Variants in POM121L2 observed in about 807,000 individuals in gnomAD.
The protein encoded by POM121L2 is POM121-like protein 2.
For synonymous variants in POM121L2, 459 were observed against 483.8 expected, an observed-to-expected ratio of 0.95 and a Z score of 0.67; for missense variants, 1,167 against 1,260.3, an observed-to-expected ratio of 0.93 and a Z score of 1.12.
Position 27,312,082 on chromosome 6 carries a change from C to A in POM121L2, c.89G>T (p.Arg30Leu), listed in dbSNP as rs1285988782. 1 of 1,488,402 alleles carries A rather than the reference C, an allele frequency of 6.7e-7. No homozygotes were observed. Among genetic ancestry groups the A allele is most frequent in the South Asian group, 1.4e-5 (1 of 72,990 alleles). 92.2% of individuals were successfully genotyped at this position (1,488,402 alleles called of 1,614,324 possible). A position where few individuals can be genotyped will look rare whatever the true frequency, so the allele number is the denominator to read the frequency against. ...TDLPERPTKR[R>L]PPQPLHQVHR... ...AACTTGGTGAAGGGGCTGAGGTGGC[C>A]GGCGTTTCGTGGGCCTCTCGGGCAA... Residue 30 changes from arginine (R) to leucine (L), a missense_variant, in exon 1 of 1, where the codon CGG becomes CTG. By Grantham distance (102) the Arg-to-Leu change is moderately radical. Transcript: ENST00000444565. The surrounding 1 kb of genome is among the most constrained non-coding windows in gnomAD (Gnocchi z 6.7).
Position 27,312,149 on chromosome 6 carries a change from G to A in POM121L2, c.22C>T (p.Leu8=). The change falls in exon 1 of 1, where the codon CTG becomes TTG. Residue 8 remains leucine, a synonymous_variant. Transcript: ENST00000444565. The surrounding 1 kb of genome is among the most constrained non-coding windows in gnomAD (Gnocchi z 6.7). MGSFLSK[L]ELSPSSPAQV... ...GCTGGGGACGAGGGCGAAAGTTCCAGTTTGCTCAGGAAACTGCCCATGAGG... is the reference window on the plus strand; with the variant it reads ...GCTGGGGACGAGGGCGAAAGTTCCAATTTGCTCAGGAAACTGCCCATGAGG... 2.1e-6 allele frequency: 3 copies of A among 1,452,062 alleles called. No homozygotes were observed. The highest frequency in any genetic ancestry group is 1.8e-4 in the Middle Eastern group (1 of 5,524). The allele number at this position is 1,452,062 out of a possible 1,614,324, so 89.9% of individuals were successfully genotyped here.
chr6:27,309,777 A>T lies in POM121L2; in HGVS notation c.2394T>A (p.Ser798=), dbSNP rs1349264783. The change falls in exon 1 of 1, where the codon TCT becomes TCA. Residue 798 remains serine (S), a synonymous_variant. Coordinates refer to ENST00000444565, the MANE Select transcript of POM121L2 (RefSeq NM_033482.4). ...CCACTGCTGAGCTCCCAAAAAGAAAAGAACTACTGACACTTGGCATAAGGG... is the reference window on the plus strand; with the variant it reads ...CCACTGCTGAGCTCCCAAAAAGAAATGAACTACTGACACTTGGCATAAGGG... ...QPALMPSVSS[S]FLFGSSAVAL... 1 of 1,551,732 alleles carries T rather than the reference A, an allele frequency of 6.4e-7. No homozygotes were observed. Among genetic ancestry groups the T allele is most frequent in the South Asian group, 1.2e-5 (1 of 84,064 alleles).
At position 27,312,019 on chromosome 6, in the gene POM121L2, G is replaced by C. The variant is rs1048245309; in HGVS notation, c.152C>G (p.Pro51Arg). Residue 51 changes from proline to arginine, a missense_variant, in exon 1 of 1, where the codon CCA becomes CGA. Physicochemically the swap from Pro to Arg is moderately radical, Grantham distance 103 (BLOSUM62 -2). Coordinates refer to ENST00000444565, the MANE Select transcript of POM121L2 (RefSeq NM_033482.4). The surrounding 1 kb of genome is among the most constrained non-coding windows in gnomAD (Gnocchi z 6.7). ...CCGCCTCCTCACAGGTCTATACCGT[G>C]GGGCAGGGTGGGCGCGGTGGACGAA... ...VQFVHRAHPA[P>R]RYRPVRRRPN... 1.3e-6 allele frequency: 2 copies of C among 1,536,978 alleles called. No homozygotes were observed. Among genetic ancestry groups the C allele is most frequent in the African/African-American group, 1.4e-5 (1 of 72,696 alleles).
At position 27,312,247 on chromosome 6, in the gene POM121L2, C is replaced by T. The variant is rs1424491212; in HGVS notation, c.-77G>A. ...GGTTTCGGACGTCTGCAGAATCGGA[C>T]AGAGTCGAAGAGCGCAGTGTTCGGT... is the stretch of plus-strand genomic sequence containing the variant. On this transcript the variant is annotated 5_prime_UTR_variant, in exon 1 of 1. Coordinates refer to ENST00000444565, the MANE Select transcript of POM121L2 (RefSeq NM_033482.4). This position sits in a 1 kb window ranked among gnomAD's most constrained non-coding sequence, Gnocchi z 6.7. The T allele has an allele frequency of 1.3e-5, 12 of 929,772 alleles. No homozygotes were observed. In the Admixed American group the frequency reaches 3.6e-4, roughly 28 times the overall value. 57.6% of individuals were successfully genotyped at this position (929,772 alleles called of 1,614,324 possible).
In POM121L2 at chr6:27,309,553, T is replaced by C. The variant is rs1277940944; in HGVS notation, c.2618A>G (p.Gln873Arg). The C allele has an allele frequency of 6.4e-7, 1 of 1,551,962 alleles. No individual in the cohort carries two copies. The highest frequency in any genetic ancestry group is 8.7e-7 in the Non-Finnish European group (1 of 1,147,090). Residue 873 changes from glutamine (Q) to arginine (R), a missense_variant, in exon 1 of 1, where the codon CAA becomes CGA. Transcript: ENST00000444565. ...AAACACTGAGCCAAAAGCCCCACTT[T>C]GGTGGGTCTGAATTACAATTCTAAA... ...TGFRIVIQTH[Q>R]SGAFGSVFGS...
rs779631930 is a variant in POM121L2 at position 27,309,752 on chromosome 6, C to A, written c.2419G>T (p.Ala807Ser). ...SSFLFGSSAV[A>S]LPTPMPTPAQ... ...GGAGTTGGCATGGGGGTTGGCAATG[C>A]CACTGCTGAGCTCCCAAAAAGAAAA... The change falls in exon 1 of 1, where the codon GCA (alanine) becomes TCA (serine). Residue 807 changes from alanine to serine, a missense_variant. Ala to Ser is a moderately conservative substitution (Grantham distance 99, BLOSUM62 1). Transcript: ENST00000444565. 2 of 1,551,660 alleles carry A rather than the reference C, an allele frequency of 1.3e-6. No individual in the cohort carries two copies. Among genetic ancestry groups the A allele is most frequent in the East Asian group, 2.4e-5 (1 of 40,906 alleles).
At position 27,309,230 on chromosome 6, in the gene POM121L2, C is replaced by A; in HGVS notation, c.2941G>T (p.Ala981Ser). The A allele has an allele frequency of 6.4e-7, 1 of 1,551,862 alleles. No homozygotes were observed. The highest frequency in any genetic ancestry group is 8.7e-7 in the Non-Finnish European group (1 of 1,147,044). ...ATCCCAAAGCCAACACTGCTGCCTGCCTTAGCTTGTCCAGGGACTGGGGTG... is the reference window on the plus strand; with the variant it reads ...ATCCCAAAGCCAACACTGCTGCCTGACTTAGCTTGTCCAGGGACTGGGGTG... ...QNTPVPGQAK[A>S]GSSVGFGMPF... is the part of the protein sequence containing the mutation. The change falls in exon 1 of 1, where the codon GCA becomes TCA. Residue 981 changes from alanine (A) to serine (S), a missense_variant. Ala to Ser is a moderately conservative substitution (Grantham distance 99). Transcript: ENST00000444565.
At chr6:27,310,249 A>T in intron 1 of POM121L2, 1 of 1,552,402 alleles carries the variant, frequency 6.4e-7, no homozygotes, top group Non-Finnish European at 8.7e-7. Flanking sequence ...ACCAAAATCC[A>T]AAGGTGGCTT....
In POM121L2 at chr6:27,309,117, G is replaced by A; in HGVS notation, c.3054C>T (p.Thr1018=). ...AATGCCCTTTCTCCCGATTCTTTGG[G>A]GTTTTTGATTTTGCGCCAATGGAAA... ...SSFSIGAKSK[T]PKNREKGHSR... The change falls in exon 1 of 1, where the codon ACC becomes ACT. Residue 1018 remains threonine, a synonymous_variant. Coordinates refer to ENST00000444565, the MANE Select transcript of POM121L2 (RefSeq NM_033482.4). The A allele has an allele frequency of 6.4e-7, 1 of 1,551,874 alleles. No individual in the cohort carries two copies. The highest frequency in any genetic ancestry group is 8.7e-7 in the Non-Finnish European group (1 of 1,147,020).
At chr6:27,309,821 G>A in intron 1 of POM121L2, 1 of 1,551,754 alleles carries the variant, frequency 6.4e-7, no homozygotes, top group Non-Finnish European at 8.7e-7. Context: ...GAAGGCCCTT[G>A]TTTCTGTCCA....
At position 27,311,290 on chromosome 6, in the gene POM121L2, C is replaced by T. The variant is rs532787152; in HGVS notation, c.881G>A (p.Arg294Gln). Residue 294 changes from arginine (R) to glutamine (Q), a missense_variant, in exon 1 of 1, where the codon CGG becomes CAG. By Grantham distance (43) the Arg-to-Gln change is conservative. Transcript: ENST00000444565. ...WPIKKEKSCHRPSSPVPLVSD... is the reference protein window; with the variant it reads ...WPIKKEKSCHQPSSPVPLVSD... The stretch of plus-strand genomic sequence containing the variant: ...TACCAGTGGGACTGGAGAGGAAGGC[C>T]GATGACAACTTTTTTCCTTTTTTAT... 9.0e-6 allele frequency: 14 copies of T among 1,551,656 alleles called. No homozygotes were observed. The highest frequency in any genetic ancestry group is 1.2e-5 in the South Asian group (1 of 84,064).
rs1364579853 is a variant in POM121L2, at chr6:27,311,796, A to G, written c.375T>C (p.Pro125=). 1 of 1,551,796 alleles carries G rather than the reference A, an allele frequency of 6.4e-7. No homozygotes were observed. Among genetic ancestry groups the G allele is most frequent in the South Asian group, 1.2e-5 (1 of 84,062 alleles). Residue 125 remains proline (P), a synonymous_variant, in exon 1 of 1, where the codon CCT becomes CCC. Transcript: ENST00000444565. ...WSPVTIRITP[P]DQRVPPSTSP... Reference sequence around the variant, plus strand: ...AAGTGGAAGGGGGCACTCTCTGGTCAGGAGGAGTGATCCTGATGGTCACTG... The same window carrying G: ...AAGTGGAAGGGGGCACTCTCTGGTCGGGAGGAGTGATCCTGATGGTCACTG...
In POM121L2 at chr6:27,310,677, T is replaced by G; in HGVS notation, c.1494A>C (p.Pro498=). ...TACTTTGGATGGTGGGTGGTGCAGGTGGGTCTGGGGGCATGGGAGACCTGT... is the reference window on the plus strand; with the variant it reads ...TACTTTGGATGGTGGGTGGTGCAGGGGGGTCTGGGGGCATGGGAGACCTGT... The part of the protein sequence containing the change: ...QADRSPMPPD[P]PAPPTIQSTL... Residue 498 remains proline, a synonymous_variant, in exon 1 of 1, where the codon CCA becomes CCC. Transcript: ENST00000444565. 1 of 1,551,738 alleles carries G rather than the reference T, an allele frequency of 6.4e-7. No homozygotes were observed. Among genetic ancestry groups the G allele is most frequent in the Non-Finnish European group, 8.7e-7 (1 of 1,147,008 alleles).
Position 27,310,902 on chromosome 6 carries a change from G to A in POM121L2, c.1269C>T (p.Ser423=), listed in dbSNP as rs1261827384. 1.3e-6 allele frequency: 2 copies of A among 1,551,830 alleles called. No individual in the cohort carries two copies. The highest frequency in any genetic ancestry group is 1.7e-6 in the Non-Finnish European group (2 of 1,147,012). ...KSLGPLASPQ[S]TGEATSVAHS... ...GGGCCACACTGGTTGCCTCTCCCGT[G>A]GACTGTGGAGAGGCCAGTGGACCTA... The change falls in exon 1 of 1, where the codon TCC becomes TCT. Residue 423 remains serine, a synonymous_variant. Coordinates refer to ENST00000444565, the MANE Select transcript of POM121L2 (RefSeq NM_033482.4).
In POM121L2 at chr6:27,311,640, T is replaced by C. The variant is rs375550978; in HGVS notation, c.531A>G (p.Leu177=). The C allele has an allele frequency of 6.4e-7, 1 of 1,551,836 alleles. No homozygotes were observed. The highest frequency in any genetic ancestry group is 8.7e-7 in the Non-Finnish European group (1 of 1,147,026). Residue 177 remains leucine, a synonymous_variant, in exon 1 of 1, where the codon CTA becomes CTG. Transcript: ENST00000444565. ...RKGKGRLEEP[L]FPESLDSKRR... is the part of the protein sequence containing the mutation. ...TCTTACTGTCCAGACTCTCAGGGAA[T>C]AGTGGTTCTTCCAACCTCCCTTTCC...
At position 27,311,541 on chromosome 6, in the gene POM121L2, G is replaced by C. The variant is rs763870440; in HGVS notation, c.630C>G (p.Pro210=). Reference sequence around the variant, plus strand: ...GACTTCTCTTCAGCGGCCCAGGCCTGGGCACAAAAGAAGTGAGGGTTCCAT... The same window carrying C: ...GACTTCTCTTCAGCGGCCCAGGCCTCGGCACAAAAGAAGTGAGGGTTCCAT... ...MKNGTLTSFV[P]RPGPLKRSLH... Residue 210 remains proline (P), a synonymous_variant, in exon 1 of 1, where the codon CCC becomes CCG. Transcript: ENST00000444565. The C allele has an allele frequency of 6.4e-7, 1 of 1,551,718 alleles. No individual in the cohort carries two copies. Among genetic ancestry groups the C allele is most frequent in the Admixed American group, 2.0e-5 (1 of 51,002 alleles).
At position 27,309,643 on chromosome 6, in the gene POM121L2, C is replaced by T. The variant is rs1468361923; in HGVS notation, c.2528G>A (p.Ser843Asn). ...AATGCCGCCAATGCCTGACCAGGTG[C>T]TGGCAGGGGTTTGAGAGGTGGAGGC... Reference protein sequence around the residue: ...PSASTSQTPASTWSGIGGIPA... With the variant: ...PSASTSQTPANTWSGIGGIPA... The change falls in exon 1 of 1, where the codon AGC becomes AAC. Residue 843 changes from serine (S) to asparagine (N), a missense_variant. By Grantham distance (46) the Ser-to-Asn change is conservative. Coordinates refer to ENST00000444565, the MANE Select transcript of POM121L2 (RefSeq NM_033482.4). 6.4e-7 allele frequency: 1 copy of T among 1,551,684 alleles called. No homozygotes were observed. Among genetic ancestry groups the T allele is most frequent in the South Asian group, 1.2e-5 (1 of 84,054 alleles).
intron 1 of POM121L2, chr6:27,309,504 GA>G: frequency 6.4e-7 from 1 of 1,552,002 alleles, no homozygotes. Flanking sequence ...CCCCAAAAGT[GA>G]AAGGTTGTGG....
rs567084222 is a variant in POM121L2 at position 27,310,442 on chromosome 6, A to C, written c.1729T>G (p.Phe577Val). Residue 577 changes from phenylalanine (F) to valine (V), a missense_variant, in exon 1 of 1, where the codon TTC (phenylalanine) becomes GTC (valine). By Grantham distance (50) the Phe-to-Val change is conservative. Coordinates refer to ENST00000444565, the MANE Select transcript of POM121L2 (RefSeq NM_033482.4). ...TCTATGCTGCCAAAGATAGGCTTGA[A>C]GGTAGGAGTTAAGGTACCCTGAATT... ...STIQGTLTPT[F>V]KPIFGSIDPL... is the part of the protein sequence containing the mutation. The C allele has an allele frequency of 7.1e-6, 11 of 1,552,262 alleles. No individual in the cohort carries two copies. In the Admixed American group the frequency reaches 1.4e-4, roughly 19 times the overall value.
Sources: gnomAD v4.1 joint callset for allele counts on GRCh38, gnomAD v4.1.1 for gene constraint, Gnocchi (gnomAD v3.1) non-coding constraint, MANE v1.5 for transcripts, NCBI Gene and HGNC (gene_info 2026-07-23, HGNC 2026-07-21) for gene names.